The following EP300 variants were observed in gnomAD, a reference collection of about 807,000 sequenced individuals.
The protein encoded by EP300 is EP300 lysine acetyltransferase.
Under a neutral mutation model 264.0 loss-of-function variants are expected in EP300, and 31 were observed. The ratio of observed to expected loss-of-function variants is 0.12; its 90% CI spans 0.09 to 0.16. The LOEUF (loss-of-function observed/expected upper bound fraction) is 0.16, where lower values mean the gene tolerates loss of function less well. Ranked by LOEUF, EP300 falls within the 10% of genes least tolerant of loss-of-function variation. The pLI is 1.00. For synonymous variants in EP300, 1,340 were observed against 1,045.4 expected (o/e 1.28, Z -5.44); for missense variants, 2,766 against 3,052.9 (o/e 0.91, Z 2.21).
At chr22:41,173,996 G>A (rs1287065628) in intron 29 of EP300, among the ~76,000 whole-genome samples, 1 of 152,182 alleles carries the variant, frequency 6.6e-6, no homozygotes, top group Admixed American at 6.5e-5. Context: ...TGTAATCCCA[G>A]CTACTCAGGA....
chr22:41,132,275 A>G (rs1196057482), intron 6 of EP300, among the ~76,000 whole-genome samples: 1 of 134,404 alleles, frequency 7.4e-6, no homozygotes, highest in African/African-American at 2.7e-5. Flanking sequence ...ATAGTATGTC[A>G]TTCTTTCATT....
intron 12 of EP300, 68 bp downstream of exon 12, chr22:41,148,014 A>G (rs1267298281): frequency 2.7e-5 from 30 of 1,092,424 alleles, no homozygotes; most frequent in Non-Finnish European, 3.8e-5. Context: ...GTTTGTTCCT[A>G]CTTTATAAAT....
intron 28 of EP300, among the ~76,000 whole-genome samples, chr22:41,172,899 TAAAAG>T (rs895995844): frequency 1.6e-4 from 24 of 152,312 alleles, no homozygotes; most frequent in African/African-American, 5.1e-4. Context: ...TGTGAAATGA[TAAAAG>T]AAACTGAAGG....
chr22:41,138,426 A>C (rs1010344875), intron 8 of EP300, among the ~76,000 whole-genome samples: 1 of 152,128 alleles, frequency 6.6e-6, no homozygotes, highest in African/African-American at 2.4e-5. Flanking sequence ...AGCTTCCCAA[A>C]GTGCTAGGAT....
intron 1 of EP300, among the ~76,000 whole-genome samples, chr22:41,111,124 C>G (rs1402613525): frequency 1.3e-5 from 2 of 151,968 alleles, no homozygotes; most frequent in Non-Finnish European, 2.9e-5. Flanking sequence ...TGCCACCACG[C>G]GCAGCTAATT....
At chr22:41,173,423 A>G (rs1237739692) in intron 28 of EP300, among the ~76,000 whole-genome samples, 200 bp from the exon 29 acceptor site, 1 of 152,242 alleles carries the variant, frequency 6.6e-6, no homozygotes, top group Non-Finnish European at 1.5e-5. Flanking sequence ...AAGGGCTGCC[A>G]TTGCCTTAAA....
rs1416474419 is a variant in EP300, at chr22:41,147,869, C to A, written c.2164C>A (p.Gln722Lys). The part of the protein sequence containing the change: ...LNQFGQMSMA[Q>K]PPIVPRQTPP... ...TCAATTTGGCCAGATGAGCATGGCC[C>A]AGCCCCCTATTGTACCCCGGCAAAC... Residue 722 changes from glutamine to lysine, a missense_variant, in exon 12 of 31, where the codon CAG becomes AAG. Transcript: ENST00000263253. 1 of 1,614,132 alleles carries A rather than the reference C, an allele frequency of 6.2e-7. No individual in the cohort carries two copies. The highest frequency in any genetic ancestry group is 1.7e-5 in the Admixed American group (1 of 60,010).
intron 2 of EP300, among the ~76,000 whole-genome samples, chr22:41,119,242 A>G (rs952214351): frequency 6.9e-6 from 1 of 145,362 alleles, no homozygotes; most frequent in Admixed American, 7.0e-5. Context: ...CTAATCTCAA[A>G]CTCCTCTTGG....
chr22:41,157,655 C>A (rs1439245280), intron 18 of EP300, among the ~76,000 whole-genome samples: 1 of 151,482 alleles, frequency 6.6e-6, no homozygotes, highest in East Asian at 1.9e-4. Context: ...GCAGCTGGGA[C>A]TACAGCCGTA....
chr22:41,145,006 C>G (rs938965655), intron 10 of EP300, among the ~76,000 whole-genome samples: 1 of 152,162 alleles, frequency 6.6e-6, no homozygotes. Flanking sequence ...TTTCTCTCCA[C>G]TTCAGTCCTC....
intron 14 of EP300, 119 bp downstream of exon 14, chr22:41,150,317 T>G (rs2059036851): frequency 8.0e-7 from 1 of 1,247,294 alleles, no homozygotes; most frequent in Non-Finnish European, 1.1e-6. Flanking sequence ...ACAAGTAGAA[T>G]GTAATCTATT....
At chr22:41,156,500 C>G (rs1161189819) in intron 17 of EP300, among the ~76,000 whole-genome samples, 1 of 152,138 alleles carries the variant, frequency 6.6e-6, no homozygotes, top group African/African-American at 2.4e-5. Context: ...GCAGGCAGAT[C>G]ACTTGAGTTC....
chr22:41,132,874 A>C, intron 6 of EP300, among the ~76,000 whole-genome samples: 1 of 152,324 alleles, frequency 6.6e-6, no homozygotes, highest in Non-Finnish European at 1.5e-5. Context: ...GCATATGATA[A>C]CATTGGAAGA....
At chr22:41,142,609 G>C (rs2058989095) in intron 10 of EP300, among the ~76,000 whole-genome samples, 1 of 152,166 alleles carries the variant, frequency 6.6e-6, no homozygotes, top group Non-Finnish European at 1.5e-5. Context: ...AGACAGGCTG[G>C]GTGCGGTGGT....
At chr22:41,175,020 T>C (rs906792195) in intron 29 of EP300, among the ~76,000 whole-genome samples, 2 of 151,816 alleles carry the variant, frequency 1.3e-5, no homozygotes, top group African/African-American at 4.8e-5. Flanking sequence ...ATCTCAGCCA[T>C]GCTAGTGAAA....
intron 2 of EP300, among the ~76,000 whole-genome samples, chr22:41,118,964 C>G (rs1033491464): frequency 3.3e-5 from 5 of 150,078 alleles, no homozygotes; most frequent in Admixed American, 6.7e-5. Context: ...TTTTAGCATT[C>G]CTTTGTAGAT....
At chr22:41,145,655 G>A (rs1248654717) in intron 10 of EP300, among the ~76,000 whole-genome samples, 15 of 152,282 alleles carry the variant, frequency 9.9e-5, no homozygotes, top group Admixed American at 9.2e-4. Context: ...ACGGAGTCTC[G>A]CTCTGTCGCC....
chr22:41,093,629 A>G (rs1464457652), intron 1 of EP300, among the ~76,000 whole-genome samples: 1 of 152,204 alleles, frequency 6.6e-6, no homozygotes, highest in Non-Finnish European at 1.5e-5. Flanking sequence ...GGTGAAGTTT[A>G]ACAATTCTTT....
At chr22:41,113,585 C>T (rs894912712) in intron 1 of EP300, among the ~76,000 whole-genome samples, 2 of 152,184 alleles carry the variant, frequency 1.3e-5, no homozygotes, top group South Asian at 2.1e-4. Flanking sequence ...CTCGCTCTGT[C>T]GCCCAGGCTG....
Sources: allele counts gnomAD v4.1 joint callset (sites outside exome capture counted in the v4.1 genomes callset), GRCh38; gene constraint gnomAD v4.1.1; transcripts MANE v1.5; gene names NCBI Gene and HGNC (gene_info 2026-07-23, HGNC 2026-07-21).